Variants in DOK7 observed in about 807,000 individuals in gnomAD.
The protein encoded by DOK7 is protein Dok-7.
A neutral mutation model predicts 30.7 loss-of-function variants in DOK7; 32 were observed. The observed-to-expected ratio is 1.04, with a 90% CI of 0.79 to 1.40. DOK7 has a LOEUF of 1.40. DOK7 is among the 40% of genes most tolerant of loss of function. DOK7 has a pLI of 0.00. For missense variants in DOK7, 1,007 were observed against 699.2 expected (o/e 1.44, Z -4.97); for synonymous variants, 447 against 324.1 (o/e 1.38, Z -4.07).
At chr4:3,474,465 A>G (rs1339361537) in intron 3 of DOK7, among the ~76,000 whole-genome samples, 1 of 152,100 alleles carries the variant, frequency 6.6e-6, no homozygotes, top group Non-Finnish European at 1.5e-5. Flanking sequence ...GGATCACCTG[A>G]GCCCAGGAGA....
At chr4:3,498,641 G>A (rs985614970), downstream of DOK7, among the ~76,000 whole-genome samples, 1 of 151,962 alleles carries the variant, frequency 6.6e-6, no homozygotes, top group African/African-American at 2.4e-5. Context: ...CCCCCTCTTG[G>A]CCTAGCCCCT....
chr4:3,488,963 G>T (rs1727987894), intron 5 of DOK7, among the ~76,000 whole-genome samples: 1 of 152,230 alleles, frequency 6.6e-6, no homozygotes, highest in Non-Finnish European at 1.5e-5. Context: ...GGGGACCAGG[G>T]CAGTGATGCT....
intron 6 of DOK7, among the ~76,000 whole-genome samples, chr4:3,492,179 G>C (rs1254758409): frequency 6.6e-6 from 1 of 152,208 alleles, no homozygotes; most frequent in African/African-American, 2.4e-5. Flanking sequence ...GGCAGCCTGG[G>C]ATCTGCATTG....
rs1728422075 is a variant in DOK7 at position 3,491,382 on chromosome 4, G to GCTCA, written c.773-1377_773-1376insCTCA. Among the ~76,000 whole-genome samples the GCTCA allele has an allele frequency of 4.1e-4, 39 of 94,276 alleles. No homozygotes were observed. In the South Asian group the frequency reaches 0.016, roughly 39 times the overall value. 61.8% of individuals were successfully genotyped at this position (94,276 alleles called of 152,430 possible). On this transcript the variant is annotated intron_variant, in intron 6 of 6. Coordinates refer to ENST00000340083, the MANE Select transcript of DOK7 (RefSeq NM_173660.5). ...CTTCCTTCCTCTGCTCCCCCTGCTC[G>GCTCA]TTCATTCCTTCCTGCTCACCCCAGC... is the stretch of plus-strand genomic sequence containing the variant.
At chr4:3,485,694 G>C (rs748983509) in intron 5 of DOK7, 36 bp downstream of exon 5, 2 of 1,505,972 alleles carry the variant, frequency 1.3e-6, no homozygotes, top group Non-Finnish European at 8.9e-7. Context: ...GGGAGGGTGC[G>C]CTCGGCAGGC....
chr4:3,483,782 A>G (rs1727583647), intron 4 of DOK7, among the ~76,000 whole-genome samples: 1 of 152,156 alleles, frequency 6.6e-6, no homozygotes, highest in Non-Finnish European at 1.5e-5. Context: ...GGAGGGGTGG[A>G]CCACGGGGAC....
At position 3,493,163 on chromosome 4, in the gene DOK7, G is replaced by A. The variant is rs765076462; in HGVS notation, c.1177G>A (p.Val393Ile). 7.5e-6 allele frequency: 12 copies of A among 1,607,172 alleles called. No individual in the cohort carries two copies. The South Asian group carries it at 1.1e-4, about 15-fold the overall frequency. Residue 393 changes from valine (V) to isoleucine (I), a missense_variant, in exon 7 of 7, where the codon GTC becomes ATC. Val to Ile is a conservative substitution (Grantham distance 29). Coordinates refer to ENST00000340083, the MANE Select transcript of DOK7 (RefSeq NM_173660.5). ...PSLCTCLPGTVEYQVPTSLRA... is the reference protein window; with the variant it reads ...PSLCTCLPGTIEYQVPTSLRA... ...CCTGTGCACCTGCCTGCCCGGGACA[G>A]TCGAGTACCAGGTGCCCACCTCCCT...
chr4:3,493,750 T>TA lies in DOK7; in HGVS notation c.*249_*250insA. 4 of 1,413,226 alleles carry TA rather than the reference T, an allele frequency of 2.8e-6. No individual in the cohort carries two copies. The South Asian group carries it at 4.7e-5, about 17-fold the overall frequency. The allele number at this position is 1,413,226 out of a possible 1,614,324, so 87.5% of individuals were successfully genotyped here. Reference sequence around the variant, plus strand: ...GTCGGGGTCACCAGAGCCCCAATGCTCAGCTGCTTCACTCCGTGTCCCCCA... The same window carrying TA: ...GTCGGGGTCACCAGAGCCCCAATGCTACAGCTGCTTCACTCCGTGTCCCCCA... On this transcript the variant is annotated 3_prime_UTR_variant, in exon 7 of 7. Transcript: ENST00000340083.
chr4:3,492,001 CAGG>C (rs903714191), intron 6 of DOK7, among the ~76,000 whole-genome samples: 10 of 152,234 alleles, frequency 6.6e-5, no homozygotes, highest in African/African-American at 2.4e-4. Flanking sequence ...TGCCCTGCCC[CAGG>C]AGGAGGGGAC....
intron 2 of DOK7, among the ~76,000 whole-genome samples, chr4:3,465,219 C>T (rs370224000): frequency 6.6e-6 from 1 of 152,188 alleles, no homozygotes; most frequent in Non-Finnish European, 1.5e-5. Flanking sequence ...TGGGACAGAG[C>T]GGAGTTCTCA....
At chr4:3,491,294 CGCTCATTCATTCCTGCCTTCTCCCCCT>C (rs1480511313) in intron 6 of DOK7, among the ~76,000 whole-genome samples, 43 of 60,212 alleles carry the variant, frequency 7.1e-4, no homozygotes, top group Admixed American at 1.5e-3. Flanking sequence ...TCCGCCCCCC[CGCTCATTCATTCCTGCCTTCTCCCCCT>C]GCTCATTCAT....
intron 6 of DOK7, chr4:3,500,185 G>A: frequency 6.6e-7 from 1 of 1,511,416 alleles, no homozygotes; most frequent in Non-Finnish European, 8.8e-7. Flanking sequence ...GCTCTTTACT[G>A]CACAATCTTT....
At chr4:3,485,435 G>A in intron 4 of DOK7, 104 bp from the exon 5 acceptor site, 1 of 1,365,604 alleles carries the variant, frequency 7.3e-7, no homozygotes, top group South Asian at 1.9e-5. Flanking sequence ...GGGTGTCATT[G>A]TCGGCTCTTG....
At chr4:3,498,842 G>A (rs1381231013), downstream of DOK7, among the ~76,000 whole-genome samples, 1 of 152,252 alleles carries the variant, frequency 6.6e-6, no homozygotes, top group Non-Finnish European at 1.5e-5. Flanking sequence ...AGGGCCTCAG[G>A]GCCAGGCAGG....
At chr4:3,470,417 C>T (rs1158814682) in intron 2 of DOK7, among the ~76,000 whole-genome samples, 1 of 152,198 alleles carries the variant, frequency 6.6e-6, no homozygotes, top group African/African-American at 2.4e-5. Flanking sequence ...TCAGGCGTTC[C>T]CAAGGTGCAG....
chr4:3,494,830 A>G (rs1728812353), downstream of DOK7, among the ~76,000 whole-genome samples: 1 of 152,062 alleles, frequency 6.6e-6, no homozygotes, highest in South Asian at 2.1e-4. Flanking sequence ...CTCTGAGCCC[A>G]GGGCCCCTGC....
intron 2 of DOK7, among the ~76,000 whole-genome samples, chr4:3,472,876 C>A (rs6834161): frequency 6.7e-6 from 1 of 149,900 alleles, no homozygotes; most frequent in Non-Finnish European, 1.5e-5. Flanking sequence ...TCCCCTACCC[C>A]CTGGGGCTGA....
At chr4:3,491,256 CTCAT>C (rs1321078860) in intron 6 of DOK7, among the ~76,000 whole-genome samples, 3 of 123,038 alleles carry the variant, frequency 2.4e-5, no homozygotes, top group Admixed American at 9.3e-5. Context: ...TCTCCCCTTG[CTCAT>C]TCATTCCTTC....
In DOK7 at chr4:3,476,380, T is replaced by A; in HGVS notation, c.370T>A (p.Leu124Met). The change falls in exon 4 of 7, where the codon TTG becomes ATG. Residue 124 changes from leucine to methionine, a missense_variant. Physicochemically the swap from Leu to Met is conservative, Grantham distance 15 (BLOSUM62 2). Transcript: ENST00000340083. ...FHVTVAPGTK[L>M]ESGPATLHLC... is the part of the protein sequence containing the mutation. ...TGTGACAGTGGCTCCAGGCACCAAG[T>A]TGGAGAGCGGCCCGGCTACCCTGCA... 1 of 1,609,560 alleles carries A rather than the reference T, an allele frequency of 6.2e-7. No homozygotes were observed. The highest frequency in any genetic ancestry group is 8.5e-7 in the Non-Finnish European group (1 of 1,178,896).
Sources: gnomAD v4.1 joint callset for allele counts (sites outside exome capture counted in the v4.1 genomes callset) on GRCh38, gnomAD v4.1.1 for gene constraint, MANE v1.5 for transcripts, NCBI Gene and HGNC (gene_info 2026-07-23, HGNC 2026-07-21) for gene names.